Variants in KMT2A observed in about 807,000 individuals in gnomAD.
KMT2A encodes histone-lysine N-methyltransferase 2A.
A neutral mutation model predicts 345.3 loss-of-function variants in KMT2A; 16 were observed. The observed-to-expected ratio is 0.05, with a 90% confidence interval of 0.03 to 0.07. The LOEUF (loss-of-function observed/expected upper bound fraction) is 0.07, where lower values mean the gene tolerates loss of function less well. Ranked by LOEUF, KMT2A falls within the 10% of genes least tolerant of loss-of-function variation. KMT2A has a pLI of 1.00. For missense variants in KMT2A, 3,272 were observed against 4,841.6 expected (o/e 0.68, Z 9.62); for synonymous variants, 1,599 against 1,778.6 (o/e 0.90, Z 2.54).
Position 118,474,871 on chromosome 11 carries a change from T to C in KMT2A, c.3156+556T>C, listed in dbSNP as rs184025970. Among the ~76,000 whole-genome samples the C allele has an allele frequency of 2.9e-3, 447 of 152,068 alleles. 3 individuals carry two copies. The highest frequency in any genetic ancestry group is 3.9e-3 in the Non-Finnish European group (263 of 67,998). On this transcript the variant is annotated intron_variant, in intron 3 of 35. Coordinates refer to ENST00000534358, the MANE Select transcript of KMT2A (RefSeq NM_001197104.2). The stretch of plus-strand genomic sequence containing the variant: ...CAGGTGCGATGGCTCATGCCTGTAA[T>C]CCCATCACTTTGGGAGGCCAAGGTG...
Position 118,494,470 on chromosome 11 carries a change from G to T in KMT2A, c.5289+72G>T, listed in dbSNP as rs782589998. The stretch of plus-strand genomic sequence containing the variant: ...ATTACCCTGTGAATACAATGAACTT[G>T]TTCTCTTCTACTTTTTGCTTTGTGG... On this transcript the variant is annotated intron_variant, in intron 17 of 35. Coordinates refer to ENST00000534358, the MANE Select transcript of KMT2A (RefSeq NM_001197104.2). The surrounding 1 kb of genome is among the most constrained non-coding windows in gnomAD (Gnocchi z 5.8). 1.9e-4 allele frequency: 176 copies of T among 921,330 alleles called. 1 individual carries two copies. Among genetic ancestry groups the T allele is most frequent in the Middle Eastern group, 1.1e-3 (5 of 4,702 alleles). The allele number at this position is 921,330 out of a possible 1,614,324, so 57.1% of individuals were successfully genotyped here.
intron 3 of KMT2A, 31 bp downstream of exon 3, chr11:118,474,346 A>T: frequency 6.3e-7 from 1 of 1,598,346 alleles, no homozygotes; most frequent in African/African-American, 1.3e-5. Flanking sequence ...TATTAAAACT[A>T]ACAGTTTATT....
chr11:118,520,936 A>G lies in KMT2A; in HGVS notation c.11513+51A>G, dbSNP rs781838224. 7.1e-7 allele frequency: 1 copy of G among 1,407,270 alleles called. No individual in the cohort carries two copies. The highest frequency in any genetic ancestry group is 1.0e-6 in the Non-Finnish European group (1 of 992,546). The allele number at this position is 1,407,270 out of a possible 1,614,324, so 87.2% of individuals were successfully genotyped here. ...TACAGAAAACGAATGCAGTTTTTCA[A>G]AATCAAAGCAGACCAAATGCTGGAG... On this transcript the variant is annotated intron_variant, in intron 34 of 35. Coordinates refer to ENST00000534358, the MANE Select transcript of KMT2A (RefSeq NM_001197104.2). This position sits in a 1 kb window ranked among gnomAD's most constrained non-coding sequence, Gnocchi z 4.3.
chr11:118,437,927 A>G (rs1555139180), intron 1 of KMT2A, among the ~76,000 whole-genome samples: 1 of 152,048 alleles, frequency 6.6e-6, no homozygotes, highest in Admixed American at 6.5e-5. Context: ...TGGGGGACTG[A>G]GGCAGCATCC....
At position 118,505,772 on chromosome 11, in the gene KMT2A, T is replaced by C. The variant is rs1555047984; in HGVS notation, c.9880T>C (p.Ser3294Pro). The C allele has an allele frequency of 4.3e-6, 7 of 1,614,076 alleles. No homozygotes were observed. The highest frequency in any genetic ancestry group is 2.2e-5 in the South Asian group (2 of 91,080). Reference protein sequence around the residue: ...TVPNIIKRSKSSIMYFEPAPL... With the variant: ...TVPNIIKRSKPSIMYFEPAPL... ...CCCCAACATCATAAAAAGATCTAAA[T>C]CTAGCATCATGTATTTTGAACCGGC... Residue 3294 changes from serine to proline, a missense_variant, in exon 27 of 36, where the codon TCT becomes CCT. Physicochemically the swap from Ser to Pro is moderately conservative, Grantham distance 74. Coordinates refer to ENST00000534358, the MANE Select transcript of KMT2A (RefSeq NM_001197104.2). The surrounding 1 kb of genome is among the most constrained non-coding windows in gnomAD (Gnocchi z 4.6).
chr11:118,464,006 T>G (rs562411051), intron 1 of KMT2A, among the ~76,000 whole-genome samples: 102 of 152,324 alleles, frequency 6.7e-4, no homozygotes, highest in African/African-American at 2.4e-3. Context: ...GTGAAATCAT[T>G]GATGCTTTAC....
At position 118,489,916 on chromosome 11, in the gene KMT2A, A is replaced by T. The variant is rs1407932490; in HGVS notation, c.4575+29A>T. On this transcript the variant is annotated intron_variant, in intron 12 of 35. Coordinates refer to ENST00000534358, the MANE Select transcript of KMT2A (RefSeq NM_001197104.2). ...AGTTATACACATGATGCTCTTTTATAGAGAACCACCATGTGACTATTGGAC... is the reference window on the plus strand; with the variant it reads ...AGTTATACACATGATGCTCTTTTATTGAGAACCACCATGTGACTATTGGAC... 3.2e-6 allele frequency: 5 copies of T among 1,581,462 alleles called. No individual in the cohort carries two copies. The South Asian group carries it at 4.4e-5, about 14-fold the overall frequency.
intron 2 of KMT2A, among the ~76,000 whole-genome samples, chr11:118,471,169 C>T (rs1455597569): frequency 1.3e-5 from 2 of 152,064 alleles, no homozygotes; most frequent in Non-Finnish European, 2.9e-5. Flanking sequence ...TCTGAGCTGC[C>T]CAAGGAGTTG....
At chr11:118,468,667 A>T (rs1488617257) in intron 1 of KMT2A, 108 bp from the exon 2 acceptor site, 31 of 790,854 alleles carry the variant, frequency 3.9e-5, no homozygotes, top group South Asian at 1.9e-4. Context: ...ATTAATATAT[A>T]AAGGCAACTT....
In KMT2A at chr11:118,524,742, C is replaced by T. The variant is rs1377136934; in HGVS notation, c.*2570C>T. 1.1e-5 allele frequency: 2 copies of T among 177,716 alleles called. No individual in the cohort carries two copies. Among genetic ancestry groups the T allele is most frequent in the Non-Finnish European group, 2.4e-5 (2 of 83,024 alleles). 11.0% of individuals were successfully genotyped at this position (177,716 alleles called of 1,614,324 possible). A position where few individuals can be genotyped will look rare whatever the true frequency, so the allele number is the denominator to read the frequency against. On this transcript the variant is annotated 3_prime_UTR_variant, in exon 36 of 36. Coordinates refer to ENST00000534358, the MANE Select transcript of KMT2A (RefSeq NM_001197104.2). ...AAAAAACCTTAAGCTGCATTTGTTACTGAAATGATTAATGCACTGATGGGT... is the reference window on the plus strand; with the variant it reads ...AAAAAACCTTAAGCTGCATTTGTTATTGAAATGATTAATGCACTGATGGGT...
chr11:118,483,765 C>T (rs1950182941), intron 8 of KMT2A, among the ~76,000 whole-genome samples: 1 of 152,144 alleles, frequency 6.6e-6, no homozygotes, highest in Admixed American at 6.5e-5. Context: ...AGTGTGGTGG[C>T]TCACATCTAT....
Position 118,462,101 on chromosome 11 carries a change from G to A in KMT2A, c.433-6674G>A, listed in dbSNP as rs1011156458. ...CCCGAGTAGCTGGGACTACAGGCGC[G>A]TGCCACCATAACTGGATAATTTTTG... On this transcript the variant is annotated intron_variant, in intron 1 of 35. Coordinates refer to ENST00000534358, the MANE Select transcript of KMT2A (RefSeq NM_001197104.2). Among the ~76,000 whole-genome samples, 6 of 151,776 alleles carry A rather than the reference G, an allele frequency of 4.0e-5. No homozygotes were observed. In the East Asian group the frequency reaches 5.8e-4, roughly 15 times the overall value.
In KMT2A at chr11:118,501,008, C is replaced by T. The variant is rs1283911577; in HGVS notation, c.6180C>T (p.Ser2060=). ...IGYQCSRVYW[S]TTDARKRCVY... is the part of the protein sequence containing the mutation. ...CCAGGTGTTCCAGGGTATACTGGAG[C>T]ACCACAGATGCTCGCAAGCGCTGTG... The change falls in exon 25 of 36, where the codon AGC becomes AGT. Residue 2060 remains serine, a synonymous_variant. Coordinates refer to ENST00000534358, the MANE Select transcript of KMT2A (RefSeq NM_001197104.2). 17 of 1,613,194 alleles carry T rather than the reference C, an allele frequency of 1.1e-5. No individual in the cohort carries two copies. In the Middle Eastern group the frequency reaches 6.6e-4, roughly 63 times the overall value.
chr11:118,445,453 A>G (rs1448720368), intron 1 of KMT2A, among the ~76,000 whole-genome samples: 1 of 152,184 alleles, frequency 6.6e-6, no homozygotes, highest in Non-Finnish European at 1.5e-5. Flanking sequence ...TCCTTATAAC[A>G]GCTCTGAGGC....
intron 1 of KMT2A, among the ~76,000 whole-genome samples, chr11:118,457,009 A>T (rs932288063): frequency 2.0e-5 from 3 of 152,004 alleles, no homozygotes; most frequent in Non-Finnish European, 4.4e-5. Context: ...TTGCCTCCTA[A>T]TGTCTATAGG....
intron 1 of KMT2A, among the ~76,000 whole-genome samples, chr11:118,444,439 G>A (rs569024135): frequency 3.3e-5 from 5 of 152,280 alleles, no homozygotes; most frequent in African/African-American, 4.8e-5. Flanking sequence ...AGAAGAAAGG[G>A]AGAATCTCAT....
chr11:118,443,031 G>A (rs76521734), intron 1 of KMT2A, among the ~76,000 whole-genome samples: 1 of 152,146 alleles, frequency 6.6e-6, no homozygotes, highest in Non-Finnish European at 1.5e-5. Context: ...AGAAGGCCTG[G>A]GAGAAGGAAG....
At chr11:118,470,967 T>C (rs2134255193) in intron 2 of KMT2A, among the ~76,000 whole-genome samples, 1 of 152,340 alleles carries the variant, frequency 6.6e-6, no homozygotes, top group South Asian at 2.1e-4. Flanking sequence ...GTTAAATCTT[T>C]TTGCAACTTG....
rs371376109 is a variant in KMT2A, at chr11:118,473,178, T to C, written c.2019T>C (p.Ala673=). The change falls in exon 3 of 36, where the codon GCT becomes GCC. Residue 673 remains alanine (A), a synonymous_variant. Transcript: ENST00000534358. This position sits in a 1 kb window ranked among gnomAD's most constrained non-coding sequence, Gnocchi z 5.2. ...CTGGTTTTTCTGCATCTGGTACCGC[T>C]GCTTCAGCCCGATTGTTTTCGCCAC... ...FASGFSASGT[A]ASARLFSPLH... is the part of the protein sequence containing the mutation. The C allele has an allele frequency of 1.9e-6, 3 of 1,614,020 alleles. No homozygotes were observed. In the African/African-American group the frequency reaches 4.0e-5, roughly 22 times the overall value.
Sources: allele counts gnomAD v4.1 joint callset (sites outside exome capture counted in the v4.1 genomes callset), GRCh38; gene constraint gnomAD v4.1.1; non-coding constraint Gnocchi (gnomAD v3.1); transcripts MANE v1.5; gene names NCBI Gene and HGNC (gene_info 2026-07-23, HGNC 2026-07-21).